HHAT: variants seen among roughly 807,000 people sequenced by gnomAD.
HHAT encodes the protein hedgehog acyltransferase, also known as protein-cysteine N-palmitoyltransferase HHAT.
A neutral mutation model predicts 70.8 loss-of-function variants in HHAT; 47 were observed. The observed-to-expected ratio is 0.66, with a 90% CI of 0.53 to 0.85. The LOEUF is 0.85. Among genes scored for constraint, HHAT ranks in the 40% least tolerant of loss-of-function variants. HHAT has a pLI of 0.00. For missense variants in HHAT, 609 were observed against 604.8 expected, an observed-to-expected ratio of 1.01 and a Z score of -0.07; for synonymous variants, 228 against 247.6, an observed-to-expected ratio of 0.92 and a Z score of 0.74.
At chr1:210,363,193 A>G (rs138782269) in intron 3 of HHAT, among the ~76,000 whole-genome samples, 2 of 152,308 alleles carry the variant, frequency 1.3e-5, no homozygotes, top group Admixed American at 6.5e-5. Context: ...GAAACTTCCT[A>G]CTTGACCTAG....
chr1:210,422,870 A>G (rs1162872433), intron 7 of HHAT, among the ~76,000 whole-genome samples: 1 of 151,994 alleles, frequency 6.6e-6, no homozygotes, highest in African/African-American at 2.4e-5. Flanking sequence ...CTCCTGACCT[A>G]AAGTGATCTG....
At chr1:210,343,253 A>G (rs1281063071) in intron 1 of HHAT, among the ~76,000 whole-genome samples, 1 of 152,134 alleles carries the variant, frequency 6.6e-6, no homozygotes. Context: ...TTTCTGCCCA[A>G]TAAAAACAAA....
At chr1:210,474,920 GGATT>G (rs1221530569) in intron 8 of HHAT, among the ~76,000 whole-genome samples, 1 of 151,746 alleles carries the variant, frequency 6.6e-6, no homozygotes, top group Non-Finnish European at 1.5e-5. Context: ...GCTCAATCAG[GGATT>G]ACTGCAGCCT....
At chr1:210,413,353 C>G (rs1273841131) in intron 6 of HHAT, among the ~76,000 whole-genome samples, 1 of 152,188 alleles carries the variant, frequency 6.6e-6, no homozygotes, top group Non-Finnish European at 1.5e-5. Flanking sequence ...AAACAGCTGA[C>G]TAACCTTATC....
intron 1 of HHAT, among the ~76,000 whole-genome samples, chr1:210,330,126 T>C (rs1036500822): frequency 6.6e-6 from 1 of 152,240 alleles, no homozygotes; most frequent in Non-Finnish European, 1.5e-5. Context: ...GAGGGAAGGC[T>C]TCATTGAAGA....
chr1:210,465,736 A>C (rs1224973521), intron 8 of HHAT, among the ~76,000 whole-genome samples: 1 of 152,272 alleles, frequency 6.6e-6, no homozygotes, highest in East Asian at 1.9e-4. Flanking sequence ...TTAGCACTCA[A>C]CATCCTGATT....
At chr1:210,468,054 C>T (rs1247284323) in intron 8 of HHAT, among the ~76,000 whole-genome samples, 2 of 152,144 alleles carry the variant, frequency 1.3e-5, no homozygotes, top group Non-Finnish European at 2.9e-5. Context: ...GTTTTTCTTT[C>T]CTCTTAAATC....
chr1:210,380,903 T>G (rs2090586074), intron 3 of HHAT, among the ~76,000 whole-genome samples: 1 of 152,086 alleles, frequency 6.6e-6, no homozygotes, highest in African/African-American at 2.4e-5. Flanking sequence ...GACAGGGCCA[T>G]TTTATGAAGA....
intron 6 of HHAT, among the ~76,000 whole-genome samples, chr1:210,412,709 G>T (rs961845677): frequency 1.3e-5 from 2 of 152,226 alleles, no homozygotes; most frequent in African/African-American, 2.4e-5. Flanking sequence ...TGGGGAGGGG[G>T]TTATGCCTCC....
intron 8 of HHAT, among the ~76,000 whole-genome samples, chr1:210,484,402 G>T (rs1455851859): frequency 6.6e-6 from 1 of 152,012 alleles, no homozygotes; most frequent in Non-Finnish European, 1.5e-5. Context: ...CATCTGGAGG[G>T]ACACCATGTC....
intron 9 of HHAT, among the ~76,000 whole-genome samples, chr1:210,551,639 G>T (rs1389569776): frequency 6.6e-6 from 1 of 152,138 alleles, no homozygotes; most frequent in Non-Finnish European, 1.5e-5. Context: ...TTATTGGAAC[G>T]GTTCTTTTTT....
chr1:210,607,480 A>C (rs1665723054), intron 10 of HHAT, among the ~76,000 whole-genome samples: 1 of 152,178 alleles, frequency 6.6e-6, no homozygotes, highest in Non-Finnish European at 1.5e-5. Context: ...GCCTTGCTTT[A>C]AGCTGTTGTT....
intron 8 of HHAT, among the ~76,000 whole-genome samples, chr1:210,497,164 G>A (rs752244903): frequency 6.6e-6 from 1 of 152,068 alleles, no homozygotes; most frequent in Non-Finnish European, 1.5e-5. Flanking sequence ...TTGAGAATAG[G>A]GATTATTAGA....
intron 8 of HHAT, among the ~76,000 whole-genome samples, chr1:210,507,830 A>G (rs528807951): frequency 6.6e-5 from 10 of 152,222 alleles, no homozygotes; most frequent in African/African-American, 2.4e-4. Flanking sequence ...GTAAATTTCA[A>G]ATATTCTAAT....
chr1:210,638,371 G>A (rs1477753321), intron 11 of HHAT, among the ~76,000 whole-genome samples: 2 of 152,200 alleles, frequency 1.3e-5, no homozygotes. Flanking sequence ...ACTGATTTAT[G>A]CTACAACATG....
chr1:210,660,941 A>C (rs12402386), intron 11 of HHAT, among the ~76,000 whole-genome samples: 20,557 of 152,218 alleles, frequency 0.14, 3,105 homozygotes, highest in African/African-American at 0.37. Flanking sequence ...CTTAACTGTT[A>C]GACCCAAAAC....
At chr1:210,481,730 A>C (rs528432323) in intron 8 of HHAT, among the ~76,000 whole-genome samples, 108 of 152,346 alleles carry the variant, frequency 7.1e-4, no homozygotes, top group African/African-American at 2.5e-3. Context: ...TATTGATTTT[A>C]AGGTTACAAA....
At chr1:210,409,199 AGAGATACT>A (rs1183148771) in intron 6 of HHAT, among the ~76,000 whole-genome samples, 1 of 152,160 alleles carries the variant, frequency 6.6e-6, no homozygotes, top group East Asian at 1.9e-4. Flanking sequence ...AACCTGTGAG[AGAGATACT>A]GTCATGACCA....
At chr1:210,440,590 C>G (rs2093482919) in intron 7 of HHAT, among the ~76,000 whole-genome samples, 1 of 151,870 alleles carries the variant, frequency 6.6e-6, no homozygotes, top group Non-Finnish European at 1.5e-5. Context: ...CTAAGGAAAT[C>G]TGGGCAGTGC....
Sources: allele counts gnomAD v4.1 joint callset (sites outside exome capture counted in the v4.1 genomes callset), GRCh38; gene constraint gnomAD v4.1.1; transcripts MANE v1.5; gene names NCBI Gene and HGNC (gene_info 2026-07-23, HGNC 2026-07-21).